The following SCML1 variants were observed in gnomAD, a reference collection of about 807,000 sequenced individuals.
SCML1 encodes the protein Scm polycomb group protein like 1.
For synonymous variants in SCML1, 104 were observed against 103.6 expected, an observed-to-expected ratio of 1.00 and a Z score of -0.02; for missense variants, 137 against 258.1, an observed-to-expected ratio of 0.53 and a Z score of 3.22.
In SCML1 at chrX:17,743,101, A is replaced by G. The variant is rs1601872881; in HGVS notation, c.-116-970A>G. Among the ~76,000 whole-genome samples the G allele has an allele frequency of 3.6e-5, 4 of 112,380 alleles. No homozygotes were observed. The Admixed American group carries it at 3.8e-4, about 11-fold the overall frequency. On this transcript the variant is annotated intron_variant, in intron 1 of 7. Transcript: ENST00000380041. ...GTCAGAAAACTCAAATAGTTTAAAA[A>G]GTGAAATTTGATTGAAGTTACAGCC...
chrX:17,737,315 T>A, upstream of SCML1: 1 of 95,736 alleles, frequency 1.0e-5, no homozygotes, highest in Non-Finnish European at 2.1e-5. Flanking sequence ...GCCATCTCCT[T>A]AGCAAATTCC....
rs773880768 is a variant in SCML1 at position 17,746,108 on chromosome X, T to G, written c.198+10T>G. ...CCTTATTCATTGCCAGGTATGGAAGTTCTGTCTCTTCAATGTAGTTTTCTA... is the reference window on the plus strand; with the variant it reads ...CCTTATTCATTGCCAGGTATGGAAGGTCTGTCTCTTCAATGTAGTTTTCTA... On this transcript the variant is annotated intron_variant, in intron 4 of 7. Transcript: ENST00000380041. The G allele has an allele frequency of 5.3e-5, 56 of 1,053,606 alleles. No homozygotes were observed. Among genetic ancestry groups the G allele is most frequent in the Non-Finnish European group, 7.1e-5 (55 of 771,627 alleles). 86.8% of individuals were successfully genotyped at this position (1,053,606 alleles called of 1,213,427 possible).
chrX:17,742,102 A>G (rs1489635207), intron 1 of SCML1, among the ~76,000 whole-genome samples: 1 of 112,123 alleles, frequency 8.9e-6, no homozygotes, highest in East Asian at 2.8e-4. Context: ...GGAGGAACTT[A>G]GAAAATGTTA....
At chrX:17,745,137 A>G in intron 2 of SCML1, 1 of 155,844 alleles carries the variant, frequency 6.4e-6, no homozygotes, top group Non-Finnish European at 1.2e-5. Flanking sequence ...AAAACATGTA[A>G]CATTTATTTC....
At chrX:17,748,633 C>G (rs1161391286) in intron 4 of SCML1, among the ~76,000 whole-genome samples, 1 of 112,328 alleles carries the variant, frequency 8.9e-6, no homozygotes, top group East Asian at 2.8e-4. Flanking sequence ...GGAAATGTTT[C>G]TGGCCCTTTG....
chrX:17,740,828 C>T (rs1393238406), intron 1 of SCML1, among the ~76,000 whole-genome samples: 1 of 112,115 alleles, frequency 8.9e-6, no homozygotes, highest in Non-Finnish European at 1.9e-5. Flanking sequence ...GTATTATGGA[C>T]GGAGGGCATA....
Position 17,750,022 on chromosome X carries a change from A to C in SCML1, c.432A>C (p.Ser144=). The C allele has an allele frequency of 8.3e-7, 1 of 1,211,816 alleles. No individual in the cohort carries two copies. Among genetic ancestry groups the C allele is most frequent in the Non-Finnish European group, 1.1e-6 (1 of 895,511 alleles). The part of the protein sequence containing the change: ...PESYSPTLPV[S]RRENNSPSNL... Reference sequence around the variant, plus strand: ...GTTACAGCCCCACTTTACCAGTGTCAAGGCGTGAGAATAATTCCCCGAGCA... The same window carrying C: ...GTTACAGCCCCACTTTACCAGTGTCCAGGCGTGAGAATAATTCCCCGAGCA... Residue 144 remains serine (S), a synonymous_variant, in exon 6 of 8, where the codon TCA becomes TCC. Transcript: ENST00000380041.
Position 17,751,974 on chromosome X carries a change from A to G in SCML1, c.855+8A>G, listed in dbSNP as rs780289348. 9.1e-6 allele frequency: 11 copies of G among 1,206,054 alleles called. No individual in the cohort carries two copies. Among genetic ancestry groups the G allele is most frequent in the South Asian group, 3.6e-5 (2 of 56,148 alleles). On this transcript the variant is annotated splice_region_variant and intron_variant, in intron 7 of 7. Transcript: ENST00000380041. ...GACCTCTTCAGAAGCCATGTAATGT[A>G]TCTTTTGATCCTGTTTTCCTGCTGT...
intron 1 of SCML1, among the ~76,000 whole-genome samples, chrX:17,742,778 C>T (rs2066608573): frequency 8.9e-6 from 1 of 112,276 alleles, no homozygotes; most frequent in African/African-American, 3.2e-5. Context: ...TTTAATAAAT[C>T]ATGGCATATT....
chrX:17,751,437 C>T (rs935846110), intron 6 of SCML1, among the ~76,000 whole-genome samples: 1 of 112,304 alleles, frequency 8.9e-6, no homozygotes, highest in Non-Finnish European at 1.9e-5. Flanking sequence ...CCTTGAAATA[C>T]TTGAAGAGAG....
chrX:17,740,176 G>A lies in SCML1; in HGVS notation c.-117+2496G>A, dbSNP rs758583012. Among the ~76,000 whole-genome samples the A allele has an allele frequency of 2.7e-5, 3 of 111,901 alleles. No individual in the cohort carries two copies. In the South Asian group the frequency reaches 1.1e-3, roughly 42 times the overall value. On this transcript the variant is annotated intron_variant, in intron 1 of 7. Transcript: ENST00000380041. ...GGTTAGAAAATTTGAGGCACAGAGA[G>A]GTGAAATATTTGCCTAAAGTGAAAC...
At position 17,746,023 on chromosome X, in the gene SCML1, G is replaced by A. The variant is rs374476790; in HGVS notation, c.123G>A (p.Pro41=). 1.0e-5 allele frequency: 12 copies of A among 1,162,642 alleles called. No individual in the cohort carries two copies. In the East Asian group the frequency reaches 1.5e-4, roughly 15 times the overall value. Residue 41 remains proline (P), a synonymous_variant, in exon 4 of 8, where the codon CCG becomes CCA. Coordinates refer to ENST00000380041, the MANE Select transcript of SCML1 (RefSeq NM_001037540.3). ...TACTTTTAAAATATTAGCAGGAACC[G>A]AATATTGTATCTGACGCATCCTGTA... is the stretch of plus-strand genomic sequence containing the variant. The part of the protein sequence containing the change: ...ETKPEFVNKE[P]NIVSDASCNT...
chrX:17,753,309 C>T lies in SCML1; in HGVS notation c.907C>T (p.His303Tyr). 8.4e-7 allele frequency: 1 copy of T among 1,184,677 alleles called. No individual in the cohort carries two copies. Among genetic ancestry groups the T allele is most frequent in the Non-Finnish European group, 1.1e-6 (1 of 879,202 alleles). ...ACTCACGAGTGACGTGTTGCTGAAG[C>T]ACTTGGGGGTGAAGCTGGGAACGGC... ...LLLTSDVLLK[H>Y]LGVKLGTAVK... Residue 303 changes from histidine to tyrosine, a missense_variant, in exon 8 of 8, where the codon CAC becomes TAC. Coordinates refer to ENST00000380041, the MANE Select transcript of SCML1 (RefSeq NM_001037540.3).
chrX:17,743,059 C>A (rs1230718110), intron 1 of SCML1, among the ~76,000 whole-genome samples: 1 of 111,853 alleles, frequency 8.9e-6, no homozygotes, highest in Non-Finnish European at 1.9e-5. Context: ...TTACTGATAG[C>A]CTGTATAAGT....
In SCML1 at chrX:17,753,604, A is replaced by G. The variant is rs1001279931; in HGVS notation, c.*212A>G. On this transcript the variant is annotated 3_prime_UTR_variant, in exon 8 of 8. Coordinates refer to ENST00000380041, the MANE Select transcript of SCML1 (RefSeq NM_001037540.3). Reference sequence around the variant, plus strand: ...CTAGATAGTATTAGAATAGTCCAATAGAAAATTCATTCTTTATAGGTCTTT... The same window carrying G: ...CTAGATAGTATTAGAATAGTCCAATGGAAAATTCATTCTTTATAGGTCTTT... The G allele has an allele frequency of 1.3e-4, 30 of 230,505 alleles. No individual in the cohort carries two copies. The highest frequency in any genetic ancestry group is 1.9e-4 in the Non-Finnish European group (25 of 130,312). 19.0% of individuals were successfully genotyped at this position (230,505 alleles called of 1,213,427 possible). A position where few individuals can be genotyped will look rare whatever the true frequency, so the allele number is the denominator to read the frequency against.
intron 1 of SCML1, among the ~76,000 whole-genome samples, chrX:17,740,097 G>A (rs2066580695): frequency 9.0e-6 from 1 of 111,554 alleles, no homozygotes; most frequent in Non-Finnish European, 1.9e-5. Flanking sequence ...GAGTTTAACT[G>A]TGTAATTTTT....
intron 6 of SCML1, 74 bp from the exon 7 acceptor site, chrX:17,751,741 C>T (rs2066709390): frequency 9.4e-7 from 1 of 1,065,824 alleles, no homozygotes; most frequent in Admixed American, 2.4e-5. Context: ...CCTTACCTAA[C>T]ATCTCTTCTT....
chrX:17,745,948 C>T, intron 3 of SCML1, 70 bp from the exon 4 acceptor site: 1 of 560,212 alleles, frequency 1.8e-6, no homozygotes, highest in Non-Finnish European at 2.8e-6. Context: ...AATATAGCTC[C>T]CCCCTGCCCC....
intron 1 of SCML1, among the ~76,000 whole-genome samples, chrX:17,742,928 TG>T (rs1203073848): frequency 8.9e-6 from 1 of 112,126 alleles, no homozygotes; most frequent in Non-Finnish European, 1.9e-5. Flanking sequence ...TGTACTCTTT[TG>T]TTTCTGGCTG....
Sources: allele counts gnomAD v4.1 joint callset (sites outside exome capture counted in the v4.1 genomes callset), GRCh38; gene constraint gnomAD v4.1.1; transcripts MANE v1.5; gene names NCBI Gene and HGNC (gene_info 2026-07-23, HGNC 2026-07-21).